PAK1: variants seen among roughly 807,000 people sequenced by gnomAD.
PAK1 encodes the protein serine/threonine-protein kinase PAK 1.
Under a neutral mutation model 67.4 loss-of-function variants are expected in PAK1, and 29 were observed. The observed-to-expected ratio is 0.43, with a 90% confidence interval of 0.32 to 0.59. The LOEUF (loss-of-function observed/expected upper bound fraction) is 0.59, where lower values mean the gene tolerates loss of function less well. Among genes scored for constraint, PAK1 ranks in the 20% least tolerant of loss-of-function variants. The probability of loss-of-function intolerance (pLI) is 0.07; values close to 1 mark genes in which losing one functional copy is unlikely to be tolerated. For synonymous variants in PAK1, 223 were observed against 237.4 expected (o/e 0.94, Z 0.56); for missense variants, 337 against 670.7 (o/e 0.50, Z 5.50).
intron 14 of PAK1, among the ~76,000 whole-genome samples, chr11:77,331,299 G>A (rs1361894380): frequency 2.6e-5 from 4 of 152,154 alleles, no homozygotes; most frequent in African/African-American, 9.7e-5. Flanking sequence ...ATACCCAAAG[G>A]ATTATAAATC....
chr11:77,359,563 TAAA>T (rs1334072680), intron 5 of PAK1, among the ~76,000 whole-genome samples: 1 of 152,092 alleles, frequency 6.6e-6, no homozygotes, highest in East Asian at 1.9e-4. Context: ...AACCTGAAGA[TAAA>T]GAACATCAGC....
chr11:77,357,090 G>T (rs2136541366), intron 6 of PAK1, among the ~76,000 whole-genome samples: 1 of 152,190 alleles, frequency 6.6e-6, no homozygotes, highest in Middle Eastern at 3.4e-3. Flanking sequence ...AAACAAACAG[G>T]ATCCTGCAAC....
chr11:77,391,625 T>G (rs547066684), intron 2 of PAK1, among the ~76,000 whole-genome samples: 1 of 152,332 alleles, frequency 6.6e-6, no homozygotes, highest in South Asian at 2.1e-4. Flanking sequence ...AAAAGTCATC[T>G]TTTGTTGTGG....
the PAK1 span, among the ~76,000 whole-genome samples, chr11:77,513,881 G>T: frequency 6.6e-6 from 1 of 152,070 alleles, no homozygotes; most frequent in Non-Finnish European, 1.5e-5. Flanking sequence ...CCTATTAGGA[G>T]ACTAACACAT....
At chr11:77,327,949 G>A (rs536304831) in intron 14 of PAK1, among the ~76,000 whole-genome samples, 13 of 152,228 alleles carry the variant, frequency 8.5e-5, no homozygotes, top group Admixed American at 2.0e-4. Flanking sequence ...GATCTACCAA[G>A]CAAATGGAAA....
intron 1 of PAK1, among the ~76,000 whole-genome samples, chr11:77,407,966 G>C (rs1953875805): frequency 1.3e-5 from 2 of 152,116 alleles, no homozygotes; most frequent in African/African-American, 4.8e-5. Context: ...GCAGAAAAGA[G>C]GATATAGGAA....
chr11:77,337,200 A>G (rs1942843347), intron 12 of PAK1, 124 bp downstream of exon 12: 3 of 534,080 alleles, frequency 5.6e-6, no homozygotes, highest in Non-Finnish European at 1.0e-5. Context: ...AACAGCCCTC[A>G]TATCCCATGA....
chr11:77,332,668 G>A, intron 14 of PAK1, 62 bp downstream of exon 14: 1 of 1,405,472 alleles, frequency 7.1e-7, no homozygotes. Context: ...CAAACATGAA[G>A]TAAAAAAGGC....
chr11:77,506,550 A>G, the PAK1 span, among the ~76,000 whole-genome samples: 2 of 152,188 alleles, frequency 1.3e-5, no homozygotes, highest in Non-Finnish European at 2.9e-5. Context: ...TAATCATCCT[A>G]TTAATAACTA....
intron 7 of PAK1, 62 bp downstream of exon 7, chr11:77,355,605 CA>C (rs1945920042): frequency 7.2e-7 from 1 of 1,394,438 alleles, no homozygotes; most frequent in Non-Finnish European, 1.0e-6. Context: ...CTACGACCAG[CA>C]AATCTCTGTG....
At chr11:77,475,981 G>C (rs563965870), upstream of PAK1, 2 of 152,262 alleles carry the variant, frequency 1.3e-5, no homozygotes, top group African/African-American at 4.8e-5. Context: ...GACCAGCCTG[G>C]CCAATATGGC....
chr11:77,394,132 C>A lies in PAK1; in HGVS notation c.-21-1591G>T, dbSNP rs185996678. Among the ~76,000 whole-genome samples the A allele has an allele frequency of 2.6e-3, 398 of 152,280 alleles. 9 individuals carry two copies. Among genetic ancestry groups the A allele is most frequent in the Admixed American group, 0.022 (344 of 15,300 alleles). ...TGTATCCAGAGTTAAAAATATTGCTCATTAGTCTTCCATGCTGCAGTAGAA... is the reference window on the plus strand; with the variant it reads ...TGTATCCAGAGTTAAAAATATTGCTAATTAGTCTTCCATGCTGCAGTAGAA... On this transcript the variant is annotated intron_variant, in intron 1 of 14. Transcript: ENST00000356341.
chr11:77,470,261 T>G (rs540176369), intron 1 of PAK1, among the ~76,000 whole-genome samples: 1 of 152,354 alleles, frequency 6.6e-6, no homozygotes, highest in East Asian at 1.9e-4. Flanking sequence ...AAAGTCTGCC[T>G]GTCAAAATGA....
chr11:77,379,569 C>A, intron 3 of PAK1, 181 bp from the exon 4 acceptor site: 1 of 612,558 alleles, frequency 1.6e-6, no homozygotes. Context: ...TTGAATTAGT[C>A]ATTTCTTAAG....
intron 1 of PAK1, among the ~76,000 whole-genome samples, chr11:77,420,959 T>C (rs1341076360): frequency 6.6e-6 from 1 of 152,212 alleles, no homozygotes; most frequent in Non-Finnish European, 1.5e-5. Context: ...TGACCTAGAA[T>C]ATTACAACAT....
At chr11:77,413,069 C>A (rs928080072) in intron 1 of PAK1, among the ~76,000 whole-genome samples, 2 of 152,222 alleles carry the variant, frequency 1.3e-5, no homozygotes, top group African/African-American at 4.8e-5. Context: ...CTTCCCCCTC[C>A]CAAACCCTGC....
intron 5 of PAK1, among the ~76,000 whole-genome samples, chr11:77,367,146 A>AAGAC (rs1285606288): frequency 9.2e-5 from 14 of 152,230 alleles, no homozygotes; most frequent in African/African-American, 3.4e-4. Flanking sequence ...CAAATTTATA[A>AAGAC]AGACCAGAAG....
chr11:77,451,722 C>A (rs552681533), intron 1 of PAK1, among the ~76,000 whole-genome samples: 1 of 150,776 alleles, frequency 6.6e-6, no homozygotes, highest in Non-Finnish European at 1.5e-5. Context: ...GCCTCAGCCT[C>A]CCGAGTAGCT....
intron 1 of PAK1, among the ~76,000 whole-genome samples, chr11:77,433,802 G>T (rs982915891): frequency 6.6e-6 from 1 of 152,036 alleles, no homozygotes; most frequent in African/African-American, 2.4e-5. Context: ...ACAGTAAAAA[G>T]ACAAACCAAT....
Sources: gnomAD v4.1 joint callset for allele counts (sites outside exome capture counted in the v4.1 genomes callset) on GRCh38, gnomAD v4.1.1 for gene constraint, MANE v1.5 for transcripts, NCBI Gene and HGNC (gene_info 2026-07-23, HGNC 2026-07-21) for gene names.